Variants in LHX9 observed in about 807,000 individuals in gnomAD.
LHX9 encodes LIM/homeobox protein Lhx9.
Under a neutral mutation model 36.5 loss-of-function variants are expected in LHX9, and 9 were observed. The observed-to-expected ratio is 0.25, with a 90% confidence interval of 0.15 to 0.43. The LOEUF (loss-of-function observed/expected upper bound fraction) is 0.43. LHX9 is among the 20% of genes least tolerant of loss of function. The pLI, the probability that LHX9 is intolerant of heterozygous loss-of-function variation, is 1.00. For missense variants in LHX9, 464 were observed against 526.4 expected (o/e 0.88, Z 1.16); for synonymous variants, 211 against 212.1 (o/e 0.99, Z 0.04).
At chr1:197,912,514 A>G (rs1450469506), upstream of LHX9, 1 of 1,613,860 alleles carries the variant, frequency 6.2e-7, no homozygotes, top group Admixed American at 1.7e-5. Context: ...GGCGTGATCC[A>G]CTCCTTTTCC....
At chr1:197,927,959 T>C (rs1237164385) in intron 4 of LHX9, among the ~76,000 whole-genome samples, 166 bp downstream of exon 4, 8 of 152,230 alleles carry the variant, frequency 5.3e-5, no homozygotes, top group Non-Finnish European at 1.2e-4. Flanking sequence ...AGGGGCTTCC[T>C]GGAGGGTTCC....
chr1:197,923,283 G>A (rs1027827062), intron 3 of LHX9, among the ~76,000 whole-genome samples: 4 of 152,220 alleles, frequency 2.6e-5, no homozygotes, highest in Admixed American at 1.3e-4. Context: ...GCGAAGCCCC[G>A]GGTTTTGGCA....
chr1:197,930,108 T>C lies in LHX9; in HGVS notation c.*849T>C. ...CCAGGGAAAATGGAAATAAGCAAAATATAATGTTTTAAGAAGTAAAAAAAT... is the reference window on the plus strand; with the variant it reads ...CCAGGGAAAATGGAAATAAGCAAAACATAATGTTTTAAGAAGTAAAAAAAT... On this transcript the variant is annotated 3_prime_UTR_variant, in exon 5 of 5. Transcript: ENST00000367387. 1.1e-6 allele frequency: 1 copy of C among 936,792 alleles called. No individual in the cohort carries two copies. The highest frequency in any genetic ancestry group is 1.3e-6 in the Non-Finnish European group (1 of 785,708). The allele number at this position is 936,792 out of a possible 1,614,324, so 58.0% of individuals were successfully genotyped here.
In LHX9 at chr1:197,929,607, G is replaced by T; in HGVS notation, c.*348G>T. On this transcript the variant is annotated 3_prime_UTR_variant, in exon 5 of 5. Coordinates refer to ENST00000367387, the MANE Select transcript of LHX9 (RefSeq NM_020204.3). ...CTCGAAGAAAAAAGAAAAAAGAGTG[G>T]TATTATTATGGGCAAATAATCATAT... 2 of 921,066 alleles carry T rather than the reference G, an allele frequency of 2.2e-6. No homozygotes were observed. The highest frequency in any genetic ancestry group is 3.6e-5 in the African/African-American group (2 of 55,908). The allele number at this position is 921,066 out of a possible 1,614,324, so 57.1% of individuals were successfully genotyped here.
chr1:197,916,454 C>A (rs890703837), upstream of LHX9: 1 of 563,760 alleles, frequency 1.8e-6, no homozygotes, highest in African/African-American at 1.9e-5. Context: ...CCTGCGGGGG[C>A]AGGCGCCAAG....
chr1:197,916,675 A>G (rs1659766590), upstream of LHX9: 3 of 702,972 alleles, frequency 4.3e-6, no homozygotes, highest in Admixed American at 6.0e-5. Flanking sequence ...AGTAACCCTG[A>G]GAAATGCAGA....
chr1:197,912,507 G>A, upstream of LHX9: 1 of 1,614,028 alleles, frequency 6.2e-7, no homozygotes, highest in East Asian at 2.2e-5. Context: ...CCATTACGGC[G>A]TGATCCACTC....
upstream of LHX9, among the ~76,000 whole-genome samples, chr1:197,913,354 G>C (rs1324043138): frequency 6.6e-6 from 1 of 152,176 alleles, no homozygotes; most frequent in East Asian, 1.9e-4. Flanking sequence ...CTGGAGCGTG[G>C]CCTCGGGTAC....
At chr1:197,918,653 G>A (rs995573449) in intron 1 of LHX9, 1 of 471,804 alleles carries the variant, frequency 2.1e-6, no homozygotes. Flanking sequence ...GCGGCACCCA[G>A]TCGAAACGCA....
rs752304778 is a variant in LHX9 at position 197,917,868 on chromosome 1, C to A, written c.45C>A (p.Phe15Leu). The change falls in exon 1 of 5, where the codon TTC becomes TTA. Residue 15 changes from phenylalanine (F) to leucine (L), a missense_variant. By Grantham distance (22) the Phe-to-Leu change is conservative (BLOSUM62 0). Around this residue, in one of 5 missense-constraint regions of LHX9, gnomAD observed 119 missense variants for 102.4 expected, o/e 1.16. Coordinates refer to ENST00000367387, the MANE Select transcript of LHX9 (RefSeq NM_020204.3). ...GCRAEDNSCP[F>L]RPPAMLFHGI... is the part of the protein sequence containing the mutation. ...GAGCAGAAGACAACTCGTGTCCTTTCCGCCCCCCAGCCATGCTCTTTCACG... is the reference window on the plus strand; with the variant it reads ...GAGCAGAAGACAACTCGTGTCCTTTACGCCCCCCAGCCATGCTCTTTCACG... The A allele has an allele frequency of 2.5e-6, 4 of 1,614,242 alleles. No individual in the cohort carries two copies. Among genetic ancestry groups the A allele is most frequent in the Non-Finnish European group, 3.4e-6 (4 of 1,180,040 alleles).
At chr1:197,927,444 CTTTT>C in intron 3 of LHX9, 143 bp from the exon 4 acceptor site, 1 of 704,596 alleles carries the variant, frequency 1.4e-6, no homozygotes, top group South Asian at 1.7e-5. Context: ...TATCTTCTTT[CTTTT>C]TGTCTAGATA....
chr1:197,929,649 A>C lies in LHX9; in HGVS notation c.*390A>C. ...TAATCATATTCCCACTTAAATGATT[A>C]GGTTAATAAAGAACCAGATAATTAA... On this transcript the variant is annotated 3_prime_UTR_variant, in exon 5 of 5. Coordinates refer to ENST00000367387, the MANE Select transcript of LHX9 (RefSeq NM_020204.3). 1.1e-6 allele frequency: 1 copy of C among 907,318 alleles called. No homozygotes were observed. 56.2% of individuals were successfully genotyped at this position (907,318 alleles called of 1,614,324 possible).
At position 197,933,518 on chromosome 1, in the gene LHX9, AGTTT is replaced by A. The variant is rs1399883370; in HGVS notation, c.*4260_*4263del. ...TAGATTTTCCAATGCATTTCCAGCC[AGTTT>A]ATTCAAATCTTTGCCCTACAGTCTT... On this transcript the variant is annotated 3_prime_UTR_variant, in exon 5 of 5. Coordinates refer to ENST00000367387, the MANE Select transcript of LHX9 (RefSeq NM_020204.3). 1.3e-5 allele frequency: 2 copies of A among 152,128 alleles called. No homozygotes were observed. Among genetic ancestry groups the A allele is most frequent in the African/African-American group, 2.4e-5 (1 of 41,418 alleles). 9.4% of individuals were successfully genotyped at this position (152,128 alleles called of 1,614,324 possible).
At position 197,933,375 on chromosome 1, in the gene LHX9, A is replaced by G. The variant is rs1053611683; in HGVS notation, c.*4116A>G. The G allele has an allele frequency of 1.3e-5, 2 of 152,316 alleles. No homozygotes were observed. Among genetic ancestry groups the G allele is most frequent in the Middle Eastern group, 3.4e-3 (1 of 294 alleles). 9.4% of individuals were successfully genotyped at this position (152,316 alleles called of 1,614,324 possible). A position where few individuals can be genotyped will look rare whatever the true frequency, so the allele number is the denominator to read the frequency against. Reference sequence around the variant, plus strand: ...AGAGAGAGCAACTTACTAATAAAAAAAAGCAATGCACCATGACAAGTAGAC... The same window carrying G: ...AGAGAGAGCAACTTACTAATAAAAAGAAGCAATGCACCATGACAAGTAGAC... On this transcript the variant is annotated 3_prime_UTR_variant, in exon 5 of 5. Coordinates refer to ENST00000367387, the MANE Select transcript of LHX9 (RefSeq NM_020204.3).
intron 1 of LHX9, 35 bp downstream of exon 1, chr1:197,918,032 A>G (rs773955143): frequency 7.5e-6 from 12 of 1,595,336 alleles, no homozygotes; most frequent in Middle Eastern, 1.9e-4. Flanking sequence ...GTAGCCGGGC[A>G]CCCCTGCGCC....
In LHX9 at chr1:197,917,922, C is replaced by T. The variant is rs201760984; in HGVS notation, c.99C>T (p.Ile33=). The T allele has an allele frequency of 4.3e-6, 7 of 1,614,222 alleles. No homozygotes were observed. The highest frequency in any genetic ancestry group is 5.9e-6 in the Non-Finnish European group (7 of 1,180,034). ...TCTCCGGAGGCCACATCCAAGGCAT[C>T]ATGGAGGAGATGGAGCGCAGATCCA... ...HGISGGHIQG[I]MEEMERRSKT... Residue 33 remains isoleucine, a synonymous_variant, in exon 1 of 5, where the codon ATC becomes ATT. Transcript: ENST00000367387.
chr1:197,917,197 C>G (rs2102590507), upstream of LHX9: 1 of 984,004 alleles, frequency 1.0e-6, no homozygotes, highest in Admixed American at 6.1e-5. Context: ...CCCCCCACCC[C>G]TTTGTAATGT....
chr1:197,915,361 G>A (rs527336549), upstream of LHX9, among the ~76,000 whole-genome samples: 16 of 152,136 alleles, frequency 1.1e-4, no homozygotes, highest in Admixed American at 2.0e-4. Flanking sequence ...TTGTGTGAAG[G>A]CAATCTGCCC....
In LHX9 at chr1:197,921,603, G is replaced by T; in HGVS notation, c.677G>T (p.Arg226Leu). Residue 226 changes from arginine (R) to leucine (L), a missense_variant, in exon 3 of 5, where the codon CGG becomes CTG. Around this residue, in one of 5 missense-constraint regions of LHX9, gnomAD observed 130 missense variants for 109.6 expected, o/e 1.19. Coordinates refer to ENST00000367387, the MANE Select transcript of LHX9 (RefSeq NM_020204.3). This position sits in a 1 kb window ranked among gnomAD's most constrained non-coding sequence, Gnocchi z 4.6. ...GGTACGGGCACCGTGCAGAAAGGGC[G>T]GCCCCGGAAGCGGAAGAGCCCAGCG... is the stretch of plus-strand genomic sequence containing the variant. ...FNGTGTVQKG[R>L]PRKRKSPALG... 6.2e-7 allele frequency: 1 copy of T among 1,606,752 alleles called. No individual in the cohort carries two copies. Among genetic ancestry groups the T allele is most frequent in the Non-Finnish European group, 8.5e-7 (1 of 1,178,290 alleles).
Sources: allele counts gnomAD v4.1 joint callset (sites outside exome capture counted in the v4.1 genomes callset), GRCh38; gene constraint gnomAD v4.1.1; regional missense constraint gnomAD v4.1.1; non-coding constraint Gnocchi (gnomAD v3.1); transcripts MANE v1.5; gene names NCBI Gene and HGNC (gene_info 2026-07-23, HGNC 2026-07-21).